The following PTPN5 variants were observed in gnomAD, a reference collection of about 807,000 sequenced individuals.
PTPN5 encodes tyrosine-protein phosphatase non-receptor type 5.
In PTPN5, 29 loss-of-function variants were observed where a neutral mutation model predicts 73.9. The observed-to-expected ratio is 0.39, with a 90% CI of 0.29 to 0.54. The LOEUF is 0.54. Among genes scored for constraint, PTPN5 ranks in the 20% least tolerant of loss-of-function variants. PTPN5 has a pLI of 0.65. For missense variants in PTPN5, 652 were observed against 751.4 expected (o/e 0.87, Z 1.55); for synonymous variants, 267 against 304.7 (o/e 0.88, Z 1.29).
At chr11:18,791,008 C>T (rs560524547) in intron 1 of PTPN5, among the ~76,000 whole-genome samples, 4 of 152,170 alleles carry the variant, frequency 2.6e-5, no homozygotes, top group African/African-American at 7.2e-5. Flanking sequence ...AAACAAGCAG[C>T]ATGCTGGGGG....
chr11:18,767,453 C>T (rs891980207), intron 2 of PTPN5, among the ~76,000 whole-genome samples: 2 of 152,222 alleles, frequency 1.3e-5, no homozygotes, highest in African/African-American at 2.4e-5. Flanking sequence ...TGGAGTCCCT[C>T]CACATTTCTC....
intron 1 of PTPN5, among the ~76,000 whole-genome samples, chr11:18,790,802 CACTA>C (rs1303537098): frequency 6.6e-6 from 1 of 152,088 alleles, no homozygotes; most frequent in Non-Finnish European, 1.5e-5. Context: ...AAAGCTTTAC[CACTA>C]ACTCTCTGGT....
At chr11:18,757,547 T>C (rs1183511206) in intron 3 of PTPN5, among the ~76,000 whole-genome samples, 2 of 152,212 alleles carry the variant, frequency 1.3e-5, no homozygotes, top group Non-Finnish European at 1.5e-5. Flanking sequence ...CTGGACCTGG[T>C]GGCCCTCTTT....
Position 18,733,292 on chromosome 11 carries a change from C to T in PTPN5, c.1161G>A (p.Val387=), listed in dbSNP as rs118020919. ...VSTVADFWRM[V]WQEHTPIIVM... is the part of the protein sequence containing the mutation. ...CAATGATGGGCGTGTGCTCCTGCCACACCATGCGCCAGAAGTCGGCGACCG... is the reference window on the plus strand; with the variant it reads ...CAATGATGGGCGTGTGCTCCTGCCATACCATGCGCCAGAAGTCGGCGACCG... Residue 387 remains valine, a synonymous_variant, in exon 11 of 15, where the codon GTG becomes GTA. Coordinates refer to ENST00000358540, the MANE Select transcript of PTPN5 (RefSeq NM_006906.2). The surrounding 1 kb of genome is among the most constrained non-coding windows in gnomAD (Gnocchi z 4.3). 623 of 1,614,162 alleles carry T rather than the reference C, an allele frequency of 3.9e-4. No individual in the cohort carries two copies. Among genetic ancestry groups the T allele is most frequent in the Non-Finnish European group, 5.0e-4 (593 of 1,180,030 alleles).
chr11:18,730,125 CCTTAT>C (rs1848810180), intron 12 of PTPN5: 3 of 500,002 alleles, frequency 6.0e-6, no homozygotes, highest in South Asian at 3.5e-5. Flanking sequence ...CTCCAGGGTT[CCTTAT>C]CTTAACAAAT....
In PTPN5 at chr11:18,729,288, T is replaced by C. The variant is rs1182712008; in HGVS notation, c.1604+165A>G. On this transcript the variant is annotated intron_variant, in intron 14 of 14. Transcript: ENST00000358540. The surrounding 1 kb of genome is among the most constrained non-coding windows in gnomAD (Gnocchi z 5.2). ...ATCTGGCCCCCCACTGTCTGGATCC[T>C]GCCCCTCTACCCAGCTGTCCTCGCT... Among the ~76,000 whole-genome samples the C allele has an allele frequency of 6.6e-6, 1 of 152,166 alleles. No individual in the cohort carries two copies. Among genetic ancestry groups the C allele is most frequent in the African/African-American group, 2.4e-5 (1 of 41,446 alleles).
intron 3 of PTPN5, among the ~76,000 whole-genome samples, chr11:18,759,622 A>T (rs1850302651): frequency 6.6e-6 from 1 of 152,228 alleles, no homozygotes; most frequent in South Asian, 2.1e-4. Context: ...TTATACTTTA[A>T]TTATCCATTC....
intron 3 of PTPN5, among the ~76,000 whole-genome samples, chr11:18,745,845 A>G (rs1441041096): frequency 6.6e-6 from 1 of 152,080 alleles, no homozygotes; most frequent in African/African-American, 2.4e-5. Context: ...AAGGTTGCTT[A>G]GCTGGTAAGG....
intron 3 of PTPN5, among the ~76,000 whole-genome samples, chr11:18,762,789 T>G (rs530837884): frequency 6.6e-6 from 1 of 152,180 alleles, no homozygotes; most frequent in African/African-American, 2.4e-5. Context: ...TGCTATATTG[T>G]GAATGGGGGG....
At chr11:18,751,106 A>G (rs558492117) in intron 3 of PTPN5, among the ~76,000 whole-genome samples, 1 of 152,322 alleles carries the variant, frequency 6.6e-6, no homozygotes, top group South Asian at 2.1e-4. Context: ...TCACACCCTC[A>G]GCACTCCCGT....
At chr11:18,757,195 C>A (rs1352681527) in intron 3 of PTPN5, among the ~76,000 whole-genome samples, 1 of 152,188 alleles carries the variant, frequency 6.6e-6, no homozygotes, top group East Asian at 1.9e-4. Context: ...CCATTCCCAT[C>A]CATTGTCTCA....
intron 3 of PTPN5, 57 bp downstream of exon 3, chr11:18,765,750 G>T: frequency 8.2e-7 from 1 of 1,218,450 alleles, no homozygotes; most frequent in Non-Finnish European, 1.2e-6. Flanking sequence ...AGCTTCAGCC[G>T]GGGCATTGTC....
intron 3 of PTPN5, among the ~76,000 whole-genome samples, chr11:18,748,670 T>G (rs1276954135): frequency 6.6e-6 from 1 of 152,044 alleles, no homozygotes; most frequent in Admixed American, 6.6e-5. Flanking sequence ...GTGATGGAAA[T>G]TGGTGTTAGT....
At chr11:18,754,801 G>A (rs1418950126) in intron 3 of PTPN5, among the ~76,000 whole-genome samples, 1 of 152,202 alleles carries the variant, frequency 6.6e-6, no homozygotes, top group East Asian at 1.9e-4. Flanking sequence ...CATTGTAGGT[G>A]CACTTTTACC....
In PTPN5 at chr11:18,729,178, C is replaced by A; in HGVS notation, c.1605-151G>T. On this transcript the variant is annotated intron_variant, in intron 14 of 14. Coordinates refer to ENST00000358540, the MANE Select transcript of PTPN5 (RefSeq NM_006906.2). This position sits in a 1 kb window ranked among gnomAD's most constrained non-coding sequence, Gnocchi z 5.2. ...CCTTGCCAACCATTACCCTCTGCCC[C>A]TTCCTATCAGGGACACAGATGACAT... 1.4e-6 allele frequency: 1 copy of A among 717,458 alleles called. No individual in the cohort carries two copies. The highest frequency in any genetic ancestry group is 2.3e-6 in the Non-Finnish European group (1 of 430,964). 44.4% of individuals were successfully genotyped at this position (717,458 alleles called of 1,614,324 possible).
At chr11:18,780,553 A>T (rs7121884) in intron 1 of PTPN5, among the ~76,000 whole-genome samples, 151,705 of 152,270 alleles carry the variant, frequency 1, 75,575 homozygotes, top group Middle Eastern at 1. Context: ...TGTGGTTTCC[A>T]GCCCTTCCAA....
At chr11:18,759,861 C>A (rs554573923) in intron 3 of PTPN5, among the ~76,000 whole-genome samples, 3 of 152,258 alleles carry the variant, frequency 2.0e-5, no homozygotes, top group Non-Finnish European at 2.9e-5. Context: ...TGCCCACAGA[C>A]CAGCTTAAAC....
At chr11:18,767,258 G>A (rs919097887) in intron 2 of PTPN5, among the ~76,000 whole-genome samples, 1 of 152,224 alleles carries the variant, frequency 6.6e-6, no homozygotes, top group Non-Finnish European at 1.5e-5. Context: ...GGGCAGAGAG[G>A]TCAGGTTCAG....
At chr11:18,764,908 T>G (rs879498607) in intron 3 of PTPN5, among the ~76,000 whole-genome samples, 13 of 152,056 alleles carry the variant, frequency 8.5e-5, no homozygotes, top group Non-Finnish European at 1.8e-4. Flanking sequence ...GAGACGGAGT[T>G]TCACCATGTT....
Sources: allele counts gnomAD v4.1 joint callset (sites outside exome capture counted in the v4.1 genomes callset), GRCh38; gene constraint gnomAD v4.1.1; non-coding constraint Gnocchi (gnomAD v3.1); transcripts MANE v1.5; gene names NCBI Gene and HGNC (gene_info 2026-07-23, HGNC 2026-07-21).